The following CHMP6 variants were observed in gnomAD, a reference collection of about 807,000 sequenced individuals.
CHMP6 encodes the protein chromatin-modifying protein 6.
A neutral mutation model predicts 32.8 loss-of-function variants in CHMP6; 10 were observed. That is an observed-to-expected ratio of 0.30 (90% confidence interval 0.19 to 0.52). The LOEUF is 0.52. Ranked by LOEUF, CHMP6 falls within the 20% of genes least tolerant of loss-of-function variation. CHMP6 has a pLI of 0.97. For synonymous variants in CHMP6, 123 were observed against 105.8 expected (o/e 1.16, Z -1.00); for missense variants, 269 against 263.8 (o/e 1.02, Z -0.14).
rs760310482 is a variant in CHMP6, at chr17:80,998,491, G to A, written c.550+71G>A. On this transcript the variant is annotated intron_variant, in intron 7 of 7. Transcript: ENST00000325167. Reference sequence around the variant, plus strand: ...AAAAGTGGATTCTAGAAGGGAACAAGACAGAATGCTCCCAGGCCTTCCTGG... The same window carrying A: ...AAAAGTGGATTCTAGAAGGGAACAAAACAGAATGCTCCCAGGCCTTCCTGG... 4 of 1,612,786 alleles carry A rather than the reference G, an allele frequency of 2.5e-6. No individual in the cohort carries two copies. In the East Asian group the frequency reaches 8.9e-5, roughly 36 times the overall value.
At chr17:80,997,224 C>A in intron 5 of CHMP6, 37 bp from the exon 6 acceptor site, 1 of 1,612,346 alleles carries the variant, frequency 6.2e-7, no homozygotes, top group Non-Finnish European at 8.5e-7. Flanking sequence ...GAGGGGCCAC[C>A]TCCTCGCTGC....
In CHMP6 at chr17:80,999,307, TC is replaced by T; in HGVS notation, c.*156del. 1 of 740,996 alleles carries T rather than the reference TC, an allele frequency of 1.3e-6. No individual in the cohort carries two copies. Among genetic ancestry groups the T allele is most frequent in the Non-Finnish European group, 2.2e-6 (1 of 448,616 alleles). 45.9% of individuals were successfully genotyped at this position (740,996 alleles called of 1,614,324 possible). On this transcript the variant is annotated 3_prime_UTR_variant, in exon 8 of 8. Coordinates refer to ENST00000325167, the MANE Select transcript of CHMP6 (RefSeq NM_024591.5). ...CCACGCAGGCGCATTGCAGGAGGACTCCAGAGCGTCTCCTGGAGACCTTGAG... is the reference window on the plus strand; with the variant it reads ...CCACGCAGGCGCATTGCAGGAGGACTCAGAGCGTCTCCTGGAGACCTTGAG...
At chr17:80,995,573 A>T (rs947789879) in intron 3 of CHMP6, 99 bp from the exon 4 acceptor site, 56 of 993,520 alleles carry the variant, frequency 5.6e-5, no homozygotes, top group African/African-American at 7.9e-5. Context: ...GCCCAGCAGC[A>T]CCCGCCCAGC....
At chr17:80,994,416 C>T (rs1287958770) in intron 1 of CHMP6, among the ~76,000 whole-genome samples, 165 bp from the exon 2 acceptor site, 1 of 152,196 alleles carries the variant, frequency 6.6e-6, no homozygotes, top group African/African-American at 2.4e-5. Context: ...CCCTGGCTTC[C>T]ACCCCCAGAC....
Position 80,996,770 on chromosome 17 carries a change from T to G in CHMP6, c.349-237T>G, listed in dbSNP as rs111529519. Among the ~76,000 whole-genome samples, 546 of 152,292 alleles carry G rather than the reference T, an allele frequency of 3.6e-3. 7 individuals carry two copies. Among genetic ancestry groups the G allele is most frequent in the South Asian group, 0.011 (54 of 4,830 alleles). Reference sequence around the variant, plus strand: ...CAGGCCCATGCCTGGGACACACATGTCCTGGCCTCATTTAAACAGGGACAG... The same window carrying G: ...CAGGCCCATGCCTGGGACACACATGGCCTGGCCTCATTTAAACAGGGACAG... On this transcript the variant is annotated intron_variant, in intron 4 of 7. Transcript: ENST00000325167.
chr17:80,998,299 G>A (rs1030062281), intron 6 of CHMP6, 67 bp from the exon 7 acceptor site: 193 of 1,573,694 alleles, frequency 1.2e-4, no homozygotes, highest in South Asian at 9.2e-4. Flanking sequence ...GTGTCCTCTC[G>A]GGGAGGCCCA....
At position 80,994,477 on chromosome 17, in the gene CHMP6, G is replaced by A. The variant is rs1487478348; in HGVS notation, c.64-104G>A. On this transcript the variant is annotated intron_variant, in intron 1 of 7. Coordinates refer to ENST00000325167, the MANE Select transcript of CHMP6 (RefSeq NM_024591.5). ...CTGGAAGGCAACCCTGCCCCATGAA[G>A]GACACTCACGGAGGGCCGCCCGGCC... 6.4e-6 allele frequency: 6 copies of A among 943,682 alleles called. No homozygotes were observed. In the African/African-American group the frequency reaches 8.7e-5, roughly 14 times the overall value. 58.5% of individuals were successfully genotyped at this position (943,682 alleles called of 1,614,324 possible). A position where few individuals can be genotyped will look rare whatever the true frequency, so the allele number is the denominator to read the frequency against.
intron 3 of CHMP6, 24 bp from the exon 4 acceptor site, chr17:80,995,648 C>T (rs572781149): frequency 3.7e-6 from 6 of 1,608,874 alleles, no homozygotes; most frequent in East Asian, 2.2e-5. Context: ...TCAGCACCTG[C>T]GTCTGCTCTG....
In CHMP6 at chr17:80,998,644, AAG is replaced by A. The variant is rs1392496742; in HGVS notation, c.550+228_550+229del. On this transcript the variant is annotated intron_variant, in intron 7 of 7. Coordinates refer to ENST00000325167, the MANE Select transcript of CHMP6 (RefSeq NM_024591.5). Reference sequence around the variant, plus strand: ...TCATAAGAGAGCCATACCCCATTCAAAGAGACACATTCAGAAATCAGAACTGG... The same window carrying A: ...TCATAAGAGAGCCATACCCCATTCAAAGACACATTCAGAAATCAGAACTGG... 2.1e-6 allele frequency: 3 copies of A among 1,415,640 alleles called. No homozygotes were observed. In the Admixed American group the frequency reaches 8.8e-5, roughly 41 times the overall value. The allele number at this position is 1,415,640 out of a possible 1,614,324, so 87.7% of individuals were successfully genotyped here. A position where few individuals can be genotyped will look rare whatever the true frequency, so the allele number is the denominator to read the frequency against.
chr17:80,998,299 G>T, intron 6 of CHMP6, 67 bp from the exon 7 acceptor site: 1 of 1,573,810 alleles, frequency 6.4e-7, no homozygotes, highest in Non-Finnish European at 8.7e-7. Context: ...GTGTCCTCTC[G>T]GGGAGGCCCA....
intron 4 of CHMP6, 96 bp downstream of exon 4, chr17:80,995,854 C>A: frequency 9.0e-7 from 1 of 1,111,184 alleles, no homozygotes; most frequent in South Asian, 1.4e-5. Flanking sequence ...GTGTTCGTGT[C>A]AGACACAGGG....
At position 80,999,415 on chromosome 17, in the gene CHMP6, TCC is replaced by T; in HGVS notation, c.*266_*267del. ...AGCCCAGCTTCTGCCGGTTGTGGGCTCCCCCGGTGGCCGAGGCCCAGGCCCAA... is the reference window on the plus strand; with the variant it reads ...AGCCCAGCTTCTGCCGGTTGTGGGCTCCCGGTGGCCGAGGCCCAGGCCCAA... On this transcript the variant is annotated 3_prime_UTR_variant, in exon 8 of 8. Coordinates refer to ENST00000325167, the MANE Select transcript of CHMP6 (RefSeq NM_024591.5). 1 of 471,796 alleles carries T rather than the reference TCC, an allele frequency of 2.1e-6. No individual in the cohort carries two copies. Among genetic ancestry groups the T allele is most frequent in the Non-Finnish European group, 3.9e-6 (1 of 257,198 alleles). 29.2% of individuals were successfully genotyped at this position (471,796 alleles called of 1,614,324 possible).
chr17:80,995,196 G>A (rs2069626840), intron 3 of CHMP6, 90 bp downstream of exon 3: 2 of 1,292,564 alleles, frequency 1.5e-6, no homozygotes, highest in East Asian at 5.1e-5. Context: ...TCTCCCGAGA[G>A]CTGAAAGCTC....
chr17:80,996,478 A>G (rs2069638324), intron 4 of CHMP6, among the ~76,000 whole-genome samples: 1 of 152,212 alleles, frequency 6.6e-6, no homozygotes, highest in African/African-American at 2.4e-5. Flanking sequence ...TTGGAGAGCC[A>G]GGGACTCACC....
chr17:80,992,411 C>T (rs1308254595), intron 1 of CHMP6, among the ~76,000 whole-genome samples: 4 of 152,200 alleles, frequency 2.6e-5, no homozygotes, highest in African/African-American at 4.8e-5. Flanking sequence ...CGTCCCGCGG[C>T]TCATTTGCCT....
At chr17:80,993,186 T>C (rs748476016) in intron 1 of CHMP6, among the ~76,000 whole-genome samples, 1 of 152,200 alleles carries the variant, frequency 6.6e-6, no homozygotes, top group Non-Finnish European at 1.5e-5. Flanking sequence ...TGCAGACCCG[T>C]GTTGCGGGCT....
chr17:80,994,711 G>A (rs766332145), intron 2 of CHMP6, 21 bp downstream of exon 2: 116 of 1,517,616 alleles, frequency 7.6e-5, no homozygotes, highest in Non-Finnish European at 6.7e-5. Context: ...CCCGGGCAGC[G>A]TGGGCACCCT....
intron 6 of CHMP6, 136 bp downstream of exon 6, chr17:80,997,477 T>C (rs998676637): frequency 3.9e-6 from 2 of 510,110 alleles, no homozygotes; most frequent in African/African-American, 4.1e-5. Context: ...TGTGACTGGT[T>C]TTCCTACCTG....
chr17:80,993,579 C>T (rs1289840222), intron 1 of CHMP6, among the ~76,000 whole-genome samples: 1 of 152,274 alleles, frequency 6.6e-6, no homozygotes. Context: ...GCTAATTCTC[C>T]TCAGCCTCCT....
Sources: allele counts gnomAD v4.1 joint callset (sites outside exome capture counted in the v4.1 genomes callset), GRCh38; gene constraint gnomAD v4.1.1; transcripts MANE v1.5; gene names NCBI Gene and HGNC (gene_info 2026-07-23, HGNC 2026-07-21).